The following TSGA10IP variants were observed in gnomAD, a reference collection of about 807,000 sequenced individuals.
The protein encoded by TSGA10IP is testis specific 10 interacting protein.
In TSGA10IP, 64 loss-of-function variants were observed where a neutral mutation model predicts 63.2. The observed-to-expected ratio is 1.01, with a 90% CI of 0.83 to 1.25. The LOEUF (loss-of-function observed/expected upper bound fraction) is 1.25. TSGA10IP is among the 50% of genes most tolerant of loss of function. The pLI is 0.00. For synonymous variants in TSGA10IP, 316 were observed against 298.3 expected (o/e 1.06, Z -0.61); for missense variants, 681 against 710.1 (o/e 0.96, Z 0.47).
Position 65,959,317 on chromosome 11 carries a change from G to A in TSGA10IP, c.1547+3G>A, listed in dbSNP as rs1262932950. ...GAGGGCACCCCCAGGAAACCCAGGT[G>A]AGTCTCCCCGTCAGGTCAAGAACTG... On this transcript the variant is annotated splice_donor_region_variant and intron_variant, in intron 7 of 7. Coordinates refer to ENST00000532620, the Ensembl canonical transcript of TSGA10IP. 6 of 1,610,820 alleles carry A rather than the reference G, an allele frequency of 3.7e-6. No individual in the cohort carries two copies. Among genetic ancestry groups the A allele is most frequent in the South Asian group, 3.3e-5 (3 of 90,700 alleles).
chr11:65,947,171 G>A (rs1233418925), exon 3 of TSGA10IP: 4 of 1,609,930 alleles, frequency 2.5e-6, no homozygotes, highest in Middle Eastern at 1.6e-4. Context: ...GGAGAGCATC[G>A]CCACAGATGT....
intron 4 of TSGA10IP, among the ~76,000 whole-genome samples, chr11:65,952,729 T>C (rs1290856960): frequency 1.3e-5 from 2 of 152,028 alleles, no homozygotes; most frequent in Non-Finnish European, 1.5e-5. Flanking sequence ...ATATATACCA[T>C]GTTGCTCAAG....
In TSGA10IP at chr11:65,959,186, T is replaced by G; in HGVS notation, c.1423-4T>G. 6.2e-7 allele frequency: 1 copy of G among 1,602,874 alleles called. No homozygotes were observed. Among genetic ancestry groups the G allele is most frequent in the Non-Finnish European group, 8.5e-7 (1 of 1,176,102 alleles). ...GAGCAGGAAGCCGTCTTCTCTCTCCTCAGGCCAATGCCCGGCTCACCGTCA... is the reference window on the plus strand; with the variant it reads ...GAGCAGGAAGCCGTCTTCTCTCTCCGCAGGCCAATGCCCGGCTCACCGTCA... On this transcript the variant is annotated splice_polypyrimidine_tract_variant and splice_region_variant and intron_variant, in intron 6 of 7. Coordinates refer to ENST00000532620, the Ensembl canonical transcript of TSGA10IP.
intron 1 of TSGA10IP, among the ~76,000 whole-genome samples, chr11:65,946,620 A>G (rs1402292196): frequency 6.6e-6 from 1 of 152,196 alleles, no homozygotes; most frequent in Non-Finnish European, 1.5e-5. Context: ...TTTTTAGTAC[A>G]GATGGGGTTT....
intron 5 of TSGA10IP, among the ~76,000 whole-genome samples, chr11:65,958,515 G>T (rs1855062879): frequency 6.6e-6 from 1 of 152,168 alleles, no homozygotes; most frequent in African/African-American, 2.4e-5. Flanking sequence ...TCAAGGGAAA[G>T]AGGATGGGGA....
In TSGA10IP at chr11:65,952,073, C is replaced by T. The variant is rs149824508; in HGVS notation, c.1152-1494C>T. On this transcript the variant is annotated intron_variant, in intron 4 of 7. Transcript: ENST00000532620. ...TTCACCATGTTGGCCAGACTAGTCT[C>T]GAACTCCAGACCTCAAATGATCTGC... 2.3e-3 allele frequency among the ~76,000 whole-genome samples: 346 copies of T among 152,178 alleles called. 2 individuals carry two copies. The highest frequency in any genetic ancestry group is 8.0e-3 in the African/African-American group (333 of 41,512).
intron 5 of TSGA10IP, among the ~76,000 whole-genome samples, chr11:65,954,549 TTGC>T (rs1421015030): frequency 6.6e-6 from 1 of 151,936 alleles, no homozygotes; most frequent in African/African-American, 2.4e-5. Context: ...GCAGGGAGTA[TTGC>T]TGCTGGTGGG....
chr11:65,953,357 T>C (rs781234613), intron 4 of TSGA10IP, among the ~76,000 whole-genome samples: 5 of 151,658 alleles, frequency 3.3e-5, no homozygotes, highest in Admixed American at 2.6e-4. Context: ...CTAGAAAGAG[T>C]AGGGAAAGGC....
chr11:65,946,150 AT>A (rs1362413787), intron 1 of TSGA10IP, among the ~76,000 whole-genome samples: 1 of 152,104 alleles, frequency 6.6e-6, no homozygotes, highest in Non-Finnish European at 1.5e-5. Context: ...CCAGTGGGAC[AT>A]TTGGGAGTGC....
rs958344964 is a variant in TSGA10IP at position 65,951,090 on chromosome 11, T to C, written c.1152-2477T>C. The stretch of plus-strand genomic sequence containing the variant: ...GTGTATATATACCACCTTTTCTTTA[T>C]CCATTCTTCTGTTGATGGAATCTTA... On this transcript the variant is annotated intron_variant, in intron 4 of 7. Coordinates refer to ENST00000532620, the Ensembl canonical transcript of TSGA10IP. Among the ~76,000 whole-genome samples the C allele has an allele frequency of 2.6e-5, 4 of 152,316 alleles. No individual in the cohort carries two copies. The East Asian group carries it at 7.7e-4, about 29-fold the overall frequency.
chr11:65,953,332 G>A (rs990067749), intron 4 of TSGA10IP, among the ~76,000 whole-genome samples: 6 of 152,088 alleles, frequency 3.9e-5, no homozygotes, highest in African/African-American at 1.4e-4. Context: ...TGCCTGGCCT[G>A]GAAGCAGGAG....
rs368411360 is a variant in TSGA10IP, at chr11:65,958,893, C to T, written c.1333C>T (p.Arg445Ter). The change falls in exon 6 of 8, where the codon CGA becomes TGA. Residue 445 changes from arginine to a stop codon, truncating the protein, a stop_gained. Transcript: ENST00000532620. LOFTEE classifies it high-confidence loss of function. ...CTGTCTCCCCTGCAGGCGCCAGGAG[C>T]GACAGCGCTTTGCTGAGTACCAGGC... 6.7e-5 allele frequency: 108 copies of T among 1,612,522 alleles called. No individual in the cohort carries two copies. The highest frequency in any genetic ancestry group is 9.0e-5 in the Non-Finnish European group (106 of 1,179,572).
intron 5 of TSGA10IP, among the ~76,000 whole-genome samples, chr11:65,954,204 C>T (rs575317097): frequency 1.3e-5 from 2 of 149,156 alleles, no homozygotes; most frequent in East Asian, 2.0e-4. Flanking sequence ...CTCGCTCTGT[C>T]GCCCAGGCTG....
chr11:65,946,920 T>A (rs1854845493), exon 2 of TSGA10IP: 2 of 1,613,888 alleles, frequency 1.2e-6, no homozygotes, highest in Non-Finnish European at 1.7e-6. Flanking sequence ...AATCAAGACC[T>A]GCAGCAGAGG....
intron 1 of TSGA10IP, 139 bp downstream of exon 1, chr11:65,945,961 G>C (rs11227358): frequency 0.013 from 13,519 of 1,042,240 alleles, 672 homozygotes; most frequent in African/African-American, 0.12. Context: ...GAGTGGGACA[G>C]GGACCACAGG....
chr11:65,949,941 C>T (rs1405860849), intron 4 of TSGA10IP, among the ~76,000 whole-genome samples: 1 of 142,124 alleles, frequency 7.0e-6, no homozygotes, highest in Non-Finnish European at 1.5e-5. Flanking sequence ...CAACCTCCGT[C>T]TCCAGGGTTC....
chr11:65,948,167 G>T lies in TSGA10IP; in HGVS notation c.1151+19G>T. The T allele has an allele frequency of 6.3e-7, 1 of 1,595,620 alleles. No homozygotes were observed. Among genetic ancestry groups the T allele is most frequent in the Non-Finnish European group, 8.5e-7 (1 of 1,171,596 alleles). On this transcript the variant is annotated intron_variant, in intron 4 of 7. Transcript: ENST00000532620. ...CCACCAGGTAAGAGGGAAGAGAAGG[G>T]AGTGGGAGCCCAGAATGAGAAGTAG...
In TSGA10IP at chr11:65,959,539, T is replaced by C. The variant is rs561964390; in HGVS notation, c.1547+225T>C. Reference sequence around the variant, plus strand: ...GAGCGAACAAGCAGCAGAACCAGTCTGGGACTCTGCAACCATCTGAGCGGC... The same window carrying C: ...GAGCGAACAAGCAGCAGAACCAGTCCGGGACTCTGCAACCATCTGAGCGGC... On this transcript the variant is annotated intron_variant, in intron 7 of 7. Transcript: ENST00000532620. Among the ~76,000 whole-genome samples the C allele has an allele frequency of 9.2e-5, 14 of 152,306 alleles. No individual in the cohort carries two copies. The East Asian group carries it at 2.5e-3, about 27-fold the overall frequency.
At position 65,957,300 on chromosome 11, in the gene TSGA10IP, G is replaced by A. The variant is rs543190604; in HGVS notation, c.1323-1583G>A. Among the ~76,000 whole-genome samples the A allele has an allele frequency of 2.5e-4, 38 of 152,204 alleles. 1 individual carries two copies. In the South Asian group the frequency reaches 6.4e-3, roughly 26 times the overall value. On this transcript the variant is annotated intron_variant, in intron 5 of 7. Coordinates refer to ENST00000532620, the Ensembl canonical transcript of TSGA10IP. ...CAAGTAGCTGGGATTACAGGCGCAC[G>A]CCACCACTCCCAGCTAACTTTTGTA...
Sources: allele counts gnomAD v4.1 joint callset (sites outside exome capture counted in the v4.1 genomes callset), GRCh38; gene constraint gnomAD v4.1.1; transcripts MANE v1.5; gene names NCBI Gene and HGNC (gene_info 2026-07-23, HGNC 2026-07-21).